Variants in RRP15 observed in about 807,000 individuals in gnomAD.
The protein encoded by RRP15 is ribosomal RNA processing 15 homolog, also known as RRP15-like protein.
RRP15 carries 18 observed loss-of-function variants against 27.1 expected under a neutral mutation model. The ratio of observed to expected loss-of-function variants is 0.66; its 90% CI spans 0.46 to 0.98. The LOEUF is 0.98. Ranked by LOEUF, RRP15 falls within the 50% of genes least tolerant of loss-of-function variation. RRP15 has a pLI of 0.00. For synonymous variants in RRP15, 107 were observed against 109.4 expected, an observed-to-expected ratio of 0.98 and a Z score of 0.14; for missense variants, 359 against 337.8, an observed-to-expected ratio of 1.06 and a Z score of -0.49.
intron 4 of RRP15, among the ~76,000 whole-genome samples, chr1:218,317,441 G>T (rs936528076): frequency 6.6e-6 from 1 of 152,166 alleles, no homozygotes; most frequent in South Asian, 2.1e-4. Context: ...CTTTTTCCTA[G>T]GTCTCTCGTG....
At chr1:218,304,528 T>C (rs1363526821) in intron 2 of RRP15, among the ~76,000 whole-genome samples, 1 of 152,234 alleles carries the variant, frequency 6.6e-6, no homozygotes, top group African/African-American at 2.4e-5. Context: ...ATTTAAATGA[T>C]TCTCTGCATA....
intron 1 of RRP15, among the ~76,000 whole-genome samples, chr1:218,294,172 A>G (rs1467901806): frequency 6.6e-6 from 1 of 152,194 alleles, no homozygotes; most frequent in East Asian, 1.9e-4. Context: ...CTCAACAGCA[A>G]CAATCATCAC....
At chr1:218,327,495 G>A (rs749612513) in intron 4 of RRP15, among the ~76,000 whole-genome samples, 16 of 152,048 alleles carry the variant, frequency 1.1e-4, no homozygotes, top group Admixed American at 4.6e-4. Flanking sequence ...ATAGAAGCGG[G>A]GTTTCACCAT....
chr1:218,291,913 C>T (rs1655649071), intron 1 of RRP15, among the ~76,000 whole-genome samples: 1 of 151,650 alleles, frequency 6.6e-6, no homozygotes, highest in African/African-American at 2.4e-5. Flanking sequence ...TCAGAGCTCT[C>T]TGCAGTCTTA....
At chr1:218,324,330 T>A (rs1192249628) in intron 4 of RRP15, among the ~76,000 whole-genome samples, 1 of 152,222 alleles carries the variant, frequency 6.6e-6, no homozygotes, top group Non-Finnish European at 1.5e-5. Flanking sequence ...TGCCTGCACC[T>A]TCGGCCGGGT....
chr1:218,288,390 T>A (rs1162738261), intron 1 of RRP15, among the ~76,000 whole-genome samples: 1 of 152,206 alleles, frequency 6.6e-6, no homozygotes, highest in Non-Finnish European at 1.5e-5. Flanking sequence ...AATTGGATAA[T>A]AACAATAGTT....
chr1:218,294,874 CCTT>C (rs1381268784), intron 1 of RRP15, among the ~76,000 whole-genome samples: 2 of 152,232 alleles, frequency 1.3e-5, no homozygotes, highest in East Asian at 3.9e-4. Context: ...AGAAGATACT[CCTT>C]TGGAGATTCC....
chr1:218,298,391 A>T (rs1235632139), intron 1 of RRP15, among the ~76,000 whole-genome samples: 1 of 152,154 alleles, frequency 6.6e-6, no homozygotes. Flanking sequence ...TATTCACCCT[A>T]CTAAACTCCT....
chr1:218,297,427 G>A (rs150563133), intron 1 of RRP15, among the ~76,000 whole-genome samples: 8 of 152,248 alleles, frequency 5.3e-5, no homozygotes, highest in Non-Finnish European at 1.0e-4. Context: ...TTTAAGTGGT[G>A]CTTACTAAGG....
At chr1:218,322,912 G>A (rs541786107) in intron 4 of RRP15, among the ~76,000 whole-genome samples, 4 of 152,274 alleles carry the variant, frequency 2.6e-5, no homozygotes, top group African/African-American at 7.2e-5. Context: ...GCGAGAGTGG[G>A]GTCCTGCCAC....
At chr1:218,328,786 T>A (rs376599490) in intron 4 of RRP15, among the ~76,000 whole-genome samples, 1 of 152,132 alleles carries the variant, frequency 6.6e-6, no homozygotes, top group African/African-American at 2.4e-5. Context: ...AGAGGTTGGT[T>A]GTCAGGGTGA....
Position 218,285,465 on chromosome 1 carries a change from T to C in RRP15, c.139+10T>C, listed in dbSNP as rs368962722. The C allele has an allele frequency of 1.7e-5, 27 of 1,613,820 alleles. No homozygotes were observed. In the African/African-American group the frequency reaches 2.0e-4, roughly 12 times the overall value. ...ACTTCTGATAGTGAAGGTAATGTGG[T>C]AGGGCTGAGCTTTGGTGTCTGGGAG... On this transcript the variant is annotated intron_variant, in intron 1 of 4. Coordinates refer to ENST00000366932, the MANE Select transcript of RRP15 (RefSeq NM_016052.4).
intron 4 of RRP15, among the ~76,000 whole-genome samples, chr1:218,320,075 T>C (rs887106354): frequency 1.3e-5 from 2 of 151,676 alleles, no homozygotes; most frequent in Non-Finnish European, 2.9e-5. Flanking sequence ...TTATTATTAT[T>C]ATACTTTAAG....
chr1:218,323,395 G>A (rs926592257), intron 4 of RRP15, among the ~76,000 whole-genome samples: 1 of 152,230 alleles, frequency 6.6e-6, no homozygotes, highest in African/African-American at 2.4e-5. Flanking sequence ...CCTCGCTGCA[G>A]CTGGTGGTCT....
chr1:218,294,241 A>G (rs929917197), intron 1 of RRP15, among the ~76,000 whole-genome samples: 2 of 152,138 alleles, frequency 1.3e-5, no homozygotes, highest in Non-Finnish European at 2.9e-5. Context: ...GCAAGTAATC[A>G]ATTCTGCAGT....
Position 218,331,271 on chromosome 1 carries a change from C to A in RRP15, c.*180C>A, listed in dbSNP as rs1251480456. The A allele has an allele frequency of 2.2e-6, 1 of 454,298 alleles. No homozygotes were observed. The highest frequency in any genetic ancestry group is 2.0e-5 in the African/African-American group (1 of 50,104). The allele number at this position is 454,298 out of a possible 1,614,324, so 28.1% of individuals were successfully genotyped here. ...TACTTCATTAAAATTATATTTTAAA[C>A]CCTTGTATAATTTTAAGCATTGTTC... is the stretch of plus-strand genomic sequence containing the variant. On this transcript the variant is annotated 3_prime_UTR_variant, in exon 5 of 5. Coordinates refer to ENST00000366932, the MANE Select transcript of RRP15 (RefSeq NM_016052.4).
intron 1 of RRP15, chr1:218,301,561 T>TA (rs1655811213): frequency 6.6e-6 from 1 of 152,356 alleles, no homozygotes. Flanking sequence ...TGGTAACCTG[T>TA]AGGTGCTTTT....
intron 2 of RRP15, 83 bp from the exon 3 acceptor site, chr1:218,304,945 C>T (rs1655873487): frequency 8.0e-7 from 1 of 1,248,654 alleles, no homozygotes; most frequent in Non-Finnish European, 1.2e-6. Flanking sequence ...TTACCTTCAC[C>T]CTTTCACAGA....
chr1:218,317,600 T>G (rs2102509406), intron 4 of RRP15, among the ~76,000 whole-genome samples: 1 of 152,308 alleles, frequency 6.6e-6, no homozygotes, highest in South Asian at 2.1e-4. Context: ...ATTTATAAAT[T>G]CAAGTTAGAA....
Sources: gnomAD v4.1 joint callset for allele counts (sites outside exome capture counted in the v4.1 genomes callset) on GRCh38, gnomAD v4.1.1 for gene constraint, MANE v1.5 for transcripts, NCBI Gene and HGNC (gene_info 2026-07-23, HGNC 2026-07-21) for gene names.